The following DCHS2 variants were observed in gnomAD, a reference collection of about 807,000 sequenced individuals.
DCHS2 encodes the protein dachsous cadherin-related 2.
DCHS2 carries 142 observed loss-of-function variants against 182.4 expected under a neutral mutation model. The ratio of observed to expected loss-of-function variants is 0.78; its 90% CI spans 0.68 to 0.89. The LOEUF is 0.89. Ranked by LOEUF, DCHS2 falls within the 40% of genes least tolerant of loss-of-function variation. DCHS2 has a pLI of 0.00. For missense variants in DCHS2, 4,319 were observed against 4,198.6 expected, an observed-to-expected ratio of 1.03 and a Z score of -0.79; for synonymous variants, 1,740 against 1,663.3, an observed-to-expected ratio of 1.05 and a Z score of -1.12.
intron 10 of DCHS2, among the ~76,000 whole-genome samples, chr4:154,307,285 G>A (rs1735475315): frequency 6.6e-6 from 1 of 152,168 alleles, no homozygotes; most frequent in Non-Finnish European, 1.5e-5. Flanking sequence ...TCACCTCACT[G>A]AGCAAATTGG....
intron 1 of DCHS2, among the ~76,000 whole-genome samples, chr4:154,434,790 TC>T: frequency 6.6e-6 from 1 of 152,294 alleles, no homozygotes; most frequent in East Asian, 1.9e-4. Context: ...TGGTCTTCTT[TC>T]CCCATAATTT....
intron 16 of DCHS2, among the ~76,000 whole-genome samples, chr4:154,243,018 G>A (rs942250009): frequency 6.6e-5 from 10 of 152,154 alleles, no homozygotes; most frequent in Non-Finnish European, 1.3e-4. Flanking sequence ...AGGCATTAAT[G>A]TCAAAATGGA....
chr4:154,336,084 C>T (rs929270707), intron 3 of DCHS2, among the ~76,000 whole-genome samples: 88 of 152,194 alleles, frequency 5.8e-4, no homozygotes, highest in African/African-American at 1.8e-3. Context: ...TAGGGTAGCT[C>T]TCTTTTTAAA....
intron 1 of DCHS2, among the ~76,000 whole-genome samples, chr4:154,470,148 G>C (rs1010088342): frequency 1.3e-5 from 2 of 152,148 alleles, no homozygotes; most frequent in Non-Finnish European, 2.9e-5. Context: ...AAGATGCAGA[G>C]AGATAAGAGA....
chr4:154,453,936 ATTAC>A (rs1734649588), intron 1 of DCHS2, among the ~76,000 whole-genome samples: 1 of 152,196 alleles, frequency 6.6e-6, no homozygotes, highest in Admixed American at 6.6e-5. Flanking sequence ...ATGCTATGCA[ATTAC>A]TTATTTTTTA....
intron 1 of DCHS2, among the ~76,000 whole-genome samples, chr4:154,478,057 C>G (rs1024657850): frequency 5.5e-5 from 8 of 145,478 alleles, no homozygotes; most frequent in Admixed American, 5.4e-4. Context: ...CTTAAAAATA[C>G]TTAAATAATT....
chr4:154,397,455 C>T (rs1365902555), intron 1 of DCHS2, among the ~76,000 whole-genome samples: 1 of 152,126 alleles, frequency 6.6e-6, no homozygotes, highest in Admixed American at 6.6e-5. Context: ...GATATGGGCT[C>T]AATTTAAGTA....
chr4:154,447,197 C>T lies in DCHS2; in HGVS notation c.2052+42107G>A, dbSNP rs192192715. On this transcript the variant is annotated intron_variant, in intron 1 of 19. Transcript: ENST00000357232. ...ATCCCAGCTACTTGGGAGGCTGAGG[C>T]AGGAGAATTGCTTGAACCTGGGAGG... Among the ~76,000 whole-genome samples the T allele has an allele frequency of 2.0e-5, 3 of 152,198 alleles. No homozygotes were observed. The South Asian group carries it at 6.2e-4, about 32-fold the overall frequency.
At chr4:154,341,328 C>T (rs910515273) in intron 3 of DCHS2, among the ~76,000 whole-genome samples, 5 of 143,234 alleles carry the variant, frequency 3.5e-5, no homozygotes, top group African/African-American at 1.3e-4. Flanking sequence ...GAGACCGCGC[C>T]ACTGCACTCC....
chr4:154,269,754 A>C (rs1021655815), intron 14 of DCHS2, 146 bp downstream of exon 14: 68 of 842,300 alleles, frequency 8.1e-5, no homozygotes, highest in Non-Finnish European at 1.0e-4. Context: ...TTGATTTCCC[A>C]TAATTTTTCA....
At chr4:154,360,617 G>A (rs1206933055) in intron 3 of DCHS2, among the ~76,000 whole-genome samples, 1 of 152,052 alleles carries the variant, frequency 6.6e-6, no homozygotes, top group Non-Finnish European at 1.5e-5. Flanking sequence ...GTAGGAAGGT[G>A]GCGTTTGTGA....
chr4:154,464,029 C>T (rs1417457162), intron 1 of DCHS2, among the ~76,000 whole-genome samples: 1 of 152,094 alleles, frequency 6.6e-6, no homozygotes, highest in East Asian at 1.9e-4. Flanking sequence ...GTCCAAAGTA[C>T]GAGTTGGAAA....
At chr4:154,470,837 C>A (rs1735434597) in intron 1 of DCHS2, among the ~76,000 whole-genome samples, 2 of 152,188 alleles carry the variant, frequency 1.3e-5, no homozygotes, top group Non-Finnish European at 1.5e-5. Flanking sequence ...TACCACCATA[C>A]TTTTCCCTTT....
chr4:154,369,826 A>G (rs962313610), intron 2 of DCHS2, among the ~76,000 whole-genome samples: 2 of 152,216 alleles, frequency 1.3e-5, no homozygotes, highest in Non-Finnish European at 2.9e-5. Flanking sequence ...TCTTCAAGTT[A>G]TACTATAAAA....
intron 3 of DCHS2, among the ~76,000 whole-genome samples, chr4:154,341,238 G>A (rs1316369547): frequency 1.3e-5 from 2 of 151,764 alleles, no homozygotes; most frequent in East Asian, 1.9e-4. Context: ...GCGTGGTGGC[G>A]GGCGCCTGCA....
intron 1 of DCHS2, among the ~76,000 whole-genome samples, chr4:154,433,387 TTTTTTTCC>T (rs1733640355): frequency 2.5e-5 from 3 of 121,128 alleles, no homozygotes; most frequent in Non-Finnish European, 5.7e-5. Flanking sequence ...ACTAGTTTTT[TTTTTTTCC>T]TTTTTTTTTT....
intron 3 of DCHS2, chr4:154,343,406 G>T: frequency 7.7e-7 from 1 of 1,291,494 alleles, no homozygotes. Context: ...GTCCTAGATG[G>T]CATCTTATTT....
chr4:154,400,809 A>C (rs1373286763), intron 1 of DCHS2, among the ~76,000 whole-genome samples: 2 of 152,086 alleles, frequency 1.3e-5, no homozygotes, highest in Non-Finnish European at 2.9e-5. Context: ...TGTCCCCACC[A>C]GTTTGCTCTC....
chr4:154,490,934 A>G lies in DCHS2; in HGVS notation c.422T>C (p.Phe141Ser). 1 of 1,551,010 alleles carries G rather than the reference A, an allele frequency of 6.4e-7. No homozygotes were observed. ...AGCGCCCAGCAGCGTGGCGGCGACG[A>G]AGCTGTAGTGGTCCCGCCGCTCGCG... is the stretch of plus-strand genomic sequence containing the variant. Reference protein sequence around the residue: ...LDRERRDHYSFVAATLLGAVV... With the variant: ...LDRERRDHYSSVAATLLGAVV... The change falls in exon 1 of 20, where the codon TTC becomes TCC. Residue 141 changes from phenylalanine (F) to serine (S), a missense_variant. Phe to Ser is a radical substitution (Grantham distance 155). Coordinates refer to ENST00000357232, the MANE Select transcript of DCHS2 (RefSeq NM_001358235.2).
Sources: gnomAD v4.1 joint callset for allele counts (sites outside exome capture counted in the v4.1 genomes callset) on GRCh38, gnomAD v4.1.1 for gene constraint, MANE v1.5 for transcripts, NCBI Gene and HGNC (gene_info 2026-07-23, HGNC 2026-07-21) for gene names.